PTPN11: variants seen among roughly 807,000 people sequenced by gnomAD.
PTPN11 encodes protein tyrosine phosphatase non-receptor type 11, also known as tyrosine-protein phosphatase non-receptor type 11.
PTPN11 carries 6 observed loss-of-function variants against 78.8 expected under a neutral mutation model. That is an observed-to-expected ratio of 0.08 (90% CI 0.04 to 0.15). The LOEUF (loss-of-function observed/expected upper bound fraction) is 0.15. Among genes scored for constraint, PTPN11 ranks in the 10% least tolerant of loss-of-function variants. PTPN11 has a pLI of 1.00. For synonymous variants in PTPN11, 221 were observed against 263.5 expected, an observed-to-expected ratio of 0.84 and a Z score of 1.56; for missense variants, 386 against 744.8, an observed-to-expected ratio of 0.52 and a Z score of 5.61.
In PTPN11 at chr12:112,506,860, C is replaced by G; in HGVS notation, c.*1068C>G. 1 of 173,120 alleles carries G rather than the reference C, an allele frequency of 5.8e-6. No individual in the cohort carries two copies. Among genetic ancestry groups the G allele is most frequent in the Admixed American group, 5.6e-5 (1 of 17,926 alleles). 10.7% of individuals were successfully genotyped at this position (173,120 alleles called of 1,614,324 possible). A position where few individuals can be genotyped will look rare whatever the true frequency, so the allele number is the denominator to read the frequency against. Reference sequence around the variant, plus strand: ...TAGACCTCTCACATGCAGCTCAGAGCTCCCAAGAGCTCAAAAGCAGAAATG... The same window carrying G: ...TAGACCTCTCACATGCAGCTCAGAGGTCCCAAGAGCTCAAAAGCAGAAATG... On this transcript the variant is annotated 3_prime_UTR_variant, in exon 16 of 16. Transcript: ENST00000351677.
chr12:112,455,869 ATGT>A (rs1204135547), intron 5 of PTPN11, 78 bp from the exon 6 acceptor site: 27 of 813,234 alleles, frequency 3.3e-5, no homozygotes, highest in Middle Eastern at 3.5e-4. Flanking sequence ...CAACATAGAC[ATGT>A]TTTTTTTTTT....
chr12:112,435,094 C>T (rs1462854480), intron 1 of PTPN11, among the ~76,000 whole-genome samples: 1 of 152,156 alleles, frequency 6.6e-6, no homozygotes, highest in Non-Finnish European at 1.5e-5. Context: ...TCGCAGCTCA[C>T]TGCAACCCCG....
chr12:112,462,093 C>G (rs1417998556), intron 6 of PTPN11, among the ~76,000 whole-genome samples: 1 of 152,146 alleles, frequency 6.6e-6, no homozygotes, highest in Non-Finnish European at 1.5e-5. Flanking sequence ...CACAGTGGCT[C>G]ACGCCTATAA....
At chr12:112,424,046 C>T (rs2037566473) in intron 1 of PTPN11, among the ~76,000 whole-genome samples, 1 of 152,156 alleles carries the variant, frequency 6.6e-6, no homozygotes, top group Non-Finnish European at 1.5e-5. Context: ...ACCACTGTAC[C>T]TGGCCTTTAC....
rs550671096 is a variant in PTPN11 at position 112,450,228 on chromosome 12, G to C, written c.138-90G>C. The C allele has an allele frequency of 1.3e-4, 166 of 1,239,244 alleles. No homozygotes were observed. In the African/African-American group the frequency reaches 2.1e-3, roughly 16 times the overall value. 76.8% of individuals were successfully genotyped at this position (1,239,244 alleles called of 1,614,324 possible). A position where few individuals can be genotyped will look rare whatever the true frequency, so the allele number is the denominator to read the frequency against. Reference sequence around the variant, plus strand: ...TTCCTTGGGTTTCTTTCAACACTTAGGTAAAATCCGACGTGGAAGATGAGA... The same window carrying C: ...TTCCTTGGGTTTCTTTCAACACTTACGTAAAATCCGACGTGGAAGATGAGA... On this transcript the variant is annotated intron_variant, in intron 2 of 15. Transcript: ENST00000351677.
intron 1 of PTPN11, among the ~76,000 whole-genome samples, chr12:112,435,771 T>C (rs1469436323): frequency 1.3e-5 from 2 of 151,424 alleles, no homozygotes; most frequent in African/African-American, 4.9e-5. Context: ...AGTCACTAAG[T>C]GGCAAAAGAC....
In PTPN11 at chr12:112,477,991, A is replaced by G; in HGVS notation, c.1068A>G (p.Thr356=). The part of the protein sequence containing the change: ...FQENSRVIVM[T]TKEVERGKSK... ...AAAACTCCCGAGTGATTGTCATGACAACGAAAGAAGTGGAGAGAGGAAAGG... is the reference window on the plus strand; with the variant it reads ...AAAACTCCCGAGTGATTGTCATGACGACGAAAGAAGTGGAGAGAGGAAAGG... Residue 356 remains threonine, a synonymous_variant, in exon 9 of 16, where the codon ACA becomes ACG. Transcript: ENST00000351677. 2 of 1,614,156 alleles carry G rather than the reference A, an allele frequency of 1.2e-6. No homozygotes were observed. Among genetic ancestry groups the G allele is most frequent in the Non-Finnish European group, 1.7e-6 (2 of 1,180,008 alleles).
At position 112,509,794 on chromosome 12, in the gene PTPN11, A is replaced by G. The variant is rs2038979553; in HGVS notation, c.*4002A>G. The G allele has an allele frequency of 1.3e-5, 2 of 152,578 alleles. No homozygotes were observed. The highest frequency in any genetic ancestry group is 2.4e-5 in the African/African-American group (1 of 41,426). 9.5% of individuals were successfully genotyped at this position (152,578 alleles called of 1,614,324 possible). On this transcript the variant is annotated 3_prime_UTR_variant, in exon 16 of 16. Transcript: ENST00000351677. ...GTGGATGTTAATTGTCTCCCCACCT[A>G]TATTTATGGGTGTTAGCGCAACTGC...
intron 1 of PTPN11, among the ~76,000 whole-genome samples, chr12:112,428,994 G>C (rs560574070): frequency 6.6e-6 from 1 of 152,290 alleles, no homozygotes; most frequent in African/African-American, 2.4e-5. Context: ...TGATCCGCCT[G>C]CCTCGGCCTC....
chr12:112,431,926 TA>T (rs372364304), intron 1 of PTPN11, among the ~76,000 whole-genome samples: 1 of 150,714 alleles, frequency 6.6e-6, no homozygotes, highest in South Asian at 2.1e-4. Flanking sequence ...TACCACAGAC[TA>T]AAAAGGGGGG....
intron 1 of PTPN11, among the ~76,000 whole-genome samples, chr12:112,444,745 G>T (rs982271939): frequency 1.3e-5 from 2 of 152,162 alleles, no homozygotes; most frequent in African/African-American, 4.8e-5. Flanking sequence ...TACTATCATT[G>T]TTTATTTTGA....
At chr12:112,473,461 A>G (rs1469770169) in intron 7 of PTPN11, among the ~76,000 whole-genome samples, 1 of 152,102 alleles carries the variant, frequency 6.6e-6, no homozygotes, top group Non-Finnish European at 1.5e-5. Flanking sequence ...GAAACAGACA[A>G]ACACCTCCTG....
At chr12:112,452,077 T>C (rs2038086200) in intron 3 of PTPN11, among the ~76,000 whole-genome samples, 1 of 151,992 alleles carries the variant, frequency 6.6e-6, no homozygotes, top group South Asian at 2.1e-4. Flanking sequence ...GGTTTTGTCA[T>C]GTTTGCCAGG....
intron 6 of PTPN11, among the ~76,000 whole-genome samples, chr12:112,457,779 T>C (rs1287340945): frequency 2.6e-5 from 4 of 152,256 alleles, no homozygotes; most frequent in Non-Finnish European, 5.9e-5. Context: ...TGCACTCTTC[T>C]ATATCACTTA....
At chr12:112,488,169 G>C (rs1219086028) in intron 11 of PTPN11, among the ~76,000 whole-genome samples, 1 of 152,034 alleles carries the variant, frequency 6.6e-6, no homozygotes, top group Non-Finnish European at 1.5e-5. Context: ...ATGTGCTGTT[G>C]TCCCCATTTC....
At chr12:112,443,403 G>GTTT (rs2037940383) in intron 1 of PTPN11, among the ~76,000 whole-genome samples, 1 of 150,406 alleles carries the variant, frequency 6.6e-6, no homozygotes, top group Non-Finnish European at 1.5e-5. Flanking sequence ...ATGTTGCCCA[G>GTTT]GCTGGAGTAT....
Position 112,487,886 on chromosome 12 carries a change from C to A in PTPN11, c.1380-557C>A, listed in dbSNP as rs572883650. 1.6e-3 allele frequency among the ~76,000 whole-genome samples: 248 copies of A among 152,196 alleles called. 1 individual carries two copies. Among genetic ancestry groups the A allele is most frequent in the Non-Finnish European group, 2.7e-3 (185 of 68,022 alleles). On this transcript the variant is annotated intron_variant, in intron 11 of 15. Transcript: ENST00000351677. ...GCAACCTCTGCTTTCTGGGTTCAAGCAATTCTCATGTCTCAGCCTCCCGAG... is the reference window on the plus strand; with the variant it reads ...GCAACCTCTGCTTTCTGGGTTCAAGAAATTCTCATGTCTCAGCCTCCCGAG...
At position 112,504,942 on chromosome 12, in the gene PTPN11, T is replaced by C. The variant is rs17849094; in HGVS notation, c.*32+146T>C. ...CTCCTTTTTCCTCTCCCTGTACTTC[T>C]TTTTCCAAGATGGTTTTAGTTTAGA... On this transcript the variant is annotated intron_variant, in intron 15 of 15. Coordinates refer to ENST00000351677, the MANE Select transcript of PTPN11 (RefSeq NM_002834.5). This position sits in a 1 kb window ranked among gnomAD's most constrained non-coding sequence, Gnocchi z 4.7. 4.0e-4 allele frequency: 248 copies of C among 617,654 alleles called. 1 individual carries two copies. In the East Asian group the frequency reaches 7.0e-3, roughly 17 times the overall value. The allele number at this position is 617,654 out of a possible 1,614,324, so 38.3% of individuals were successfully genotyped here.
intron 1 of PTPN11, among the ~76,000 whole-genome samples, chr12:112,444,499 GC>G (rs2037959823): frequency 1.3e-5 from 2 of 151,982 alleles, no homozygotes; most frequent in South Asian, 4.2e-4. Flanking sequence ...GCGCCACCAC[GC>G]CCAACTAATT....
Sources: gnomAD v4.1 joint callset for allele counts (sites outside exome capture counted in the v4.1 genomes callset) on GRCh38, gnomAD v4.1.1 for gene constraint, Gnocchi (gnomAD v3.1) non-coding constraint, MANE v1.5 for transcripts, NCBI Gene and HGNC (gene_info 2026-07-23, HGNC 2026-07-21) for gene names.